CSMD1: variants seen among roughly 807,000 people sequenced by gnomAD.
CSMD1 encodes CUB and sushi domain-containing protein 1.
In CSMD1, 213 loss-of-function variants were observed where a neutral mutation model predicts 417.5. That is an observed-to-expected ratio of 0.51 (90% CI 0.46 to 0.57). The LOEUF is 0.57. Among genes scored for constraint, CSMD1 ranks in the 20% least tolerant of loss-of-function variants. The probability of loss-of-function intolerance (pLI) is 0.00; values close to 1 mark genes in which losing one functional copy is unlikely to be tolerated. For missense variants in CSMD1, 6,923 were observed against 4,529.7 expected (o/e 1.53, Z -15.17); for synonymous variants, 2,862 against 1,736.8 (o/e 1.65, Z -16.11).
intron 1 of CSMD1, among the ~76,000 whole-genome samples, chr8:4,792,662 A>G (rs1797754559): frequency 1.3e-5 from 2 of 152,076 alleles, no homozygotes; most frequent in South Asian, 4.1e-4. Flanking sequence ...TATATGGGAC[A>G]CTCAATTTAT....
At chr8:3,725,505 T>C (rs536226183) in intron 6 of CSMD1, among the ~76,000 whole-genome samples, 3 of 152,130 alleles carry the variant, frequency 2.0e-5, no homozygotes, top group South Asian at 4.1e-4. Flanking sequence ...TATGAATGTG[T>C]ATGTGTGTGT....
chr8:3,839,147 T>C (rs1245525861), intron 5 of CSMD1, among the ~76,000 whole-genome samples: 1 of 126,962 alleles, frequency 7.9e-6, no homozygotes, highest in Non-Finnish European at 1.6e-5. Flanking sequence ...ATATATAGTC[T>C]ATATATCTAT....
chr8:3,386,857 A>G (rs376361006), intron 18 of CSMD1, among the ~76,000 whole-genome samples: 3 of 152,208 alleles, frequency 2.0e-5, no homozygotes, highest in African/African-American at 7.2e-5. Context: ...AAATGATTAC[A>G]AGCAACATAT....
chr8:4,434,486 A>G lies in CSMD1; in HGVS notation c.303-14421T>C, dbSNP rs150509250. 5.5e-3 allele frequency among the ~76,000 whole-genome samples: 831 copies of G among 152,330 alleles called. 3 individuals carry two copies. Among genetic ancestry groups the G allele is most frequent in the African/African-American group, 0.019 (777 of 41,576 alleles). ...AGTCCCCACACTCTAACAGAAGGAA[A>G]GAAACAACAAAAAGAAAACCCAGCA... On this transcript the variant is annotated intron_variant, in intron 2 of 69. Coordinates refer to ENST00000635120, the MANE Select transcript of CSMD1 (RefSeq NM_033225.6).
At chr8:4,680,241 C>T (rs1205792423) in intron 1 of CSMD1, among the ~76,000 whole-genome samples, 1 of 152,142 alleles carries the variant, frequency 6.6e-6, no homozygotes, top group African/African-American at 2.4e-5. Context: ...GGACATTCCG[C>T]TGATTTTCAA....
chr8:4,445,905 G>A lies in CSMD1; in HGVS notation c.303-25840C>T, dbSNP rs540197948. Among the ~76,000 whole-genome samples the A allele has an allele frequency of 2.6e-5, 4 of 152,286 alleles. No homozygotes were observed. The South Asian group carries it at 6.2e-4, about 24-fold the overall frequency. On this transcript the variant is annotated intron_variant, in intron 2 of 69. Transcript: ENST00000635120. The stretch of plus-strand genomic sequence containing the variant: ...ACAAGAGGAGAGAGCACGGATGCAG[G>A]GACGTGACCTGGGCCTTTCAGCTGG...
At chr8:3,114,472 T>C (rs1050031937) in intron 42 of CSMD1, among the ~76,000 whole-genome samples, 11 of 150,230 alleles carry the variant, frequency 7.3e-5, no homozygotes, top group African/African-American at 2.7e-4. Flanking sequence ...TATAAAAATA[T>C]CTTGACTCTC....
intron 3 of CSMD1, among the ~76,000 whole-genome samples, chr8:4,182,387 C>G (rs938973164): frequency 1.3e-5 from 2 of 152,068 alleles, no homozygotes; most frequent in African/African-American, 2.4e-5. Context: ...TCTTTTAAAA[C>G]TTATTAGAGA....
chr8:3,289,962 C>G (rs1178750107), intron 25 of CSMD1, among the ~76,000 whole-genome samples: 5 of 147,434 alleles, frequency 3.4e-5, no homozygotes, highest in South Asian at 4.1e-4. Context: ...AGTATTAGGT[C>G]TAACATTTAA....
chr8:4,957,082 T>A (rs1185857276), intron 1 of CSMD1, among the ~76,000 whole-genome samples: 1 of 152,186 alleles, frequency 6.6e-6, no homozygotes, highest in Non-Finnish European at 1.5e-5. Context: ...CCAGATATGC[T>A]AGAAGTATGA....
chr8:4,204,531 C>T (rs1714709), intron 3 of CSMD1, among the ~76,000 whole-genome samples: 148,199 of 152,322 alleles, frequency 0.97, 72,240 homozygotes, highest in Middle Eastern at 1. Context: ...CCTCACCTTT[C>T]AAAGTGTAGA....
chr8:4,122,899 A>C (rs1205465455), intron 3 of CSMD1, among the ~76,000 whole-genome samples: 1 of 152,246 alleles, frequency 6.6e-6, no homozygotes, highest in Non-Finnish European at 1.5e-5. Flanking sequence ...ACTAATAGCT[A>C]CGAGACCCTT....
At chr8:4,319,378 A>C (rs151275853) in intron 3 of CSMD1, among the ~76,000 whole-genome samples, 1 of 152,128 alleles carries the variant, frequency 6.6e-6, no homozygotes, top group Admixed American at 6.6e-5. Flanking sequence ...TCTTTGAAAT[A>C]CTGAGCCTCT....
At chr8:4,380,701 G>C (rs141339352) in intron 3 of CSMD1, among the ~76,000 whole-genome samples, 1 of 152,198 alleles carries the variant, frequency 6.6e-6, no homozygotes, top group Non-Finnish European at 1.5e-5. Context: ...ATTAATAACA[G>C]AGGATTGTGG....
At chr8:4,378,273 C>A (rs1802881411) in intron 3 of CSMD1, among the ~76,000 whole-genome samples, 2 of 152,168 alleles carry the variant, frequency 1.3e-5, no homozygotes, top group Non-Finnish European at 2.9e-5. Flanking sequence ...TACATTGTCC[C>A]TGTTATATAA....
chr8:4,486,180 CAT>C (rs559383827), intron 2 of CSMD1, among the ~76,000 whole-genome samples: 673 of 17,148 alleles, frequency 0.039, 23 homozygotes, highest in Non-Finnish European at 0.049. Context: ...TATATACATA[CAT>C]ATATATATAT....
At chr8:4,693,538 A>AT (rs1330283521) in intron 1 of CSMD1, among the ~76,000 whole-genome samples, 6 of 152,204 alleles carry the variant, frequency 3.9e-5, no homozygotes, top group African/African-American at 7.2e-5. Context: ...TTAATTTTAC[A>AT]TTTTTTTATT....
intron 3 of CSMD1, among the ~76,000 whole-genome samples, chr8:4,341,258 A>T (rs112449401): frequency 6.2e-4 from 95 of 152,228 alleles, no homozygotes; most frequent in African/African-American, 2.2e-3. Flanking sequence ...ATTTTTCAGA[A>T]GGCAGTTGTA....
intron 5 of CSMD1, among the ~76,000 whole-genome samples, chr8:3,979,747 C>G (rs997798925): frequency 2.0e-5 from 3 of 152,192 alleles, no homozygotes; most frequent in African/African-American, 7.2e-5. Context: ...CTTCTAGCCT[C>G]AGAACTGTGA....
Sources: gnomAD v4.1 joint callset for allele counts (sites outside exome capture counted in the v4.1 genomes callset) on GRCh38, gnomAD v4.1.1 for gene constraint, MANE v1.5 for transcripts, NCBI Gene and HGNC (gene_info 2026-07-23, HGNC 2026-07-21) for gene names.